Variants in BRD8 observed in about 807,000 individuals in gnomAD.
BRD8 encodes the protein bromodomain containing 8.
BRD8 carries 67 observed loss-of-function variants against 143.1 expected under a neutral mutation model. The ratio of observed to expected loss-of-function variants is 0.47; its 90% CI spans 0.38 to 0.57. The LOEUF is 0.57. BRD8 is among the 20% of genes least tolerant of loss of function. The probability of loss-of-function intolerance (pLI) is 0.00; values close to 1 mark genes in which losing one functional copy is unlikely to be tolerated. For missense variants in BRD8, 1,103 were observed against 1,503.0 expected, an observed-to-expected ratio of 0.73 and a Z score of 4.40; for synonymous variants, 505 against 517.1, an observed-to-expected ratio of 0.98 and a Z score of 0.32.
intron 2 of BRD8, among the ~76,000 whole-genome samples, chr5:138,176,492 T>C (rs1267804874): frequency 6.6e-6 from 1 of 152,112 alleles, no homozygotes; most frequent in Non-Finnish European, 1.5e-5. Context: ...GATAATCGCT[T>C]GAACCTGGGA....
intron 25 of BRD8, among the ~76,000 whole-genome samples, chr5:138,143,939 G>C (rs1055009464): frequency 2.0e-5 from 3 of 152,166 alleles, no homozygotes; most frequent in Admixed American, 2.0e-4. Context: ...GTGGCAACCC[G>C]CTGGAGTCCC....
rs574905012 is a variant in BRD8, at chr5:138,168,367, C to T, written c.643-289G>A. 2.9e-5 allele frequency: 25 copies of T among 848,612 alleles called. No individual in the cohort carries two copies. The African/African-American group carries it at 3.9e-4, about 13-fold the overall frequency. 52.6% of individuals were successfully genotyped at this position (848,612 alleles called of 1,614,324 possible). A position where few individuals can be genotyped will look rare whatever the true frequency, so the allele number is the denominator to read the frequency against. On this transcript the variant is annotated intron_variant, in intron 8 of 26. Transcript: ENST00000254900. Reference sequence around the variant, plus strand: ...TAACATTTAATTAGGAGATCTTTTCCTCTTTTGAACTTTTATTCCCCATGT... The same window carrying T: ...TAACATTTAATTAGGAGATCTTTTCTTCTTTTGAACTTTTATTCCCCATGT...
Position 138,145,194 on chromosome 5 carries a change from G to T in BRD8, c.3420C>A (p.Tyr1140Ter), listed in dbSNP as rs776487340. ...TCACTGACCTTTTCACCACATCCTT[G>T]TACCCTGGGGCCTGCCTTTCTGACA... ...KPVSERQAPG[Y>*]KDVVKRPMDL... The change falls in exon 25 of 27, where the codon TAC becomes TAA. Residue 1140 changes from tyrosine to a stop codon, truncating the protein, a stop_gained. Transcript: ENST00000254900. LOFTEE classifies it high-confidence loss of function. The T allele has an allele frequency of 1.1e-5, 17 of 1,613,824 alleles. No individual in the cohort carries two copies. Among genetic ancestry groups the T allele is most frequent in the Middle Eastern group, 3.3e-4 (2 of 6,058 alleles).
chr5:138,152,911 G>A, intron 20 of BRD8, 151 bp from the exon 21 acceptor site: 1 of 848,738 alleles, frequency 1.2e-6, no homozygotes, highest in Non-Finnish European at 1.8e-6. Flanking sequence ...TCTTGCTGAA[G>A]GGAGACATGA....
intron 11 of BRD8, 126 bp from the exon 12 acceptor site, chr5:138,165,292 G>A (rs1753309858): frequency 2.9e-6 from 3 of 1,030,962 alleles, no homozygotes; most frequent in South Asian, 1.5e-5. Flanking sequence ...TGTAGTGGAG[G>A]CAAACAATGA....
In BRD8 at chr5:138,166,104, A is replaced by T. The variant is rs746560978; in HGVS notation, c.1002T>A (p.Ser334Arg). 5.6e-6 allele frequency: 9 copies of T among 1,610,600 alleles called. No individual in the cohort carries two copies. Among genetic ancestry groups the T allele is most frequent in the Middle Eastern group, 3.3e-4 (2 of 6,002 alleles). ...VSTTESVAPV[S>R]QPDNCVPMEA... ...CCATGGGAACACAGTTGTCGGGTTG[A>T]CTCACTGAGTAACAGAAAGAGAAAA... Residue 334 changes from serine to arginine, a missense_variant, in exon 11 of 27, where the codon AGT becomes AGA. Around this residue, in one of 7 missense-constraint regions of BRD8, gnomAD observed 334 missense variants for 372.5 expected, o/e 0.90. Transcript: ENST00000254900.
At chr5:138,169,028 C>T (rs1220236274) in intron 8 of BRD8, among the ~76,000 whole-genome samples, 194 bp downstream of exon 8, 1 of 152,212 alleles carries the variant, frequency 6.6e-6, no homozygotes, top group Non-Finnish European at 1.5e-5. Flanking sequence ...TTACCTATCT[C>T]TCAAAAAGGT....
At chr5:138,153,726 G>A (rs1581414169) in intron 20 of BRD8, among the ~76,000 whole-genome samples, 1 of 142,336 alleles carries the variant, frequency 7.0e-6, no homozygotes, top group East Asian at 2.1e-4. Flanking sequence ...GCCCAGGCTG[G>A]AGCACAATGG....
chr5:138,176,301 CAAG>C, intron 2 of BRD8, among the ~76,000 whole-genome samples: 1 of 152,126 alleles, frequency 6.6e-6, no homozygotes, highest in East Asian at 1.9e-4. Flanking sequence ...TCTACAGAGA[CAAG>C]AGAGTTGGCT....
chr5:138,165,039 T>A lies in BRD8; in HGVS notation c.1406A>T (p.Lys469Met), dbSNP rs749628963. ...TTCTGGTGCAGGGAGAGGTACTGGC[T>A]TGTCCCGCTCCTGCTGGATAGGATG... is the stretch of plus-strand genomic sequence containing the variant. ...WEHPIQQERD[K>M]PVPLPAPEMT... The change falls in exon 12 of 27, where the codon AAG (lysine) becomes ATG (methionine). Residue 469 changes from lysine to methionine, a missense_variant. Coordinates refer to ENST00000254900, the MANE Select transcript of BRD8 (RefSeq NM_139199.2). The A allele has an allele frequency of 6.2e-7, 1 of 1,614,162 alleles. No homozygotes were observed. Among genetic ancestry groups the A allele is most frequent in the Admixed American group, 1.7e-5 (1 of 60,006 alleles).
At chr5:138,140,999 C>A in intron 25 of BRD8, 117 bp from the exon 26 acceptor site, 1 of 1,033,404 alleles carries the variant, frequency 9.7e-7, no homozygotes, top group Non-Finnish European at 1.4e-6. Context: ...GCAAAGATAA[C>A]AACCCTCATC....
At chr5:138,163,869 C>T (rs1753196666) in intron 14 of BRD8, among the ~76,000 whole-genome samples, 1 of 152,176 alleles carries the variant, frequency 6.6e-6, no homozygotes, top group Admixed American at 6.5e-5. Flanking sequence ...ATCAAGCCTT[C>T]TTAAGGACTG....
intron 9 of BRD8, 132 bp downstream of exon 9, chr5:138,167,802 G>T: frequency 1.3e-6 from 1 of 744,238 alleles, no homozygotes; most frequent in Non-Finnish European, 2.4e-6. Context: ...AGGTAAAGTA[G>T]CTCCAAAAAA....
In BRD8 at chr5:138,170,538, AAC is replaced by A. The variant is rs764316471; in HGVS notation, c.441-131_441-130del. 3 of 985,036 alleles carry A rather than the reference AAC, an allele frequency of 3.0e-6. No individual in the cohort carries two copies. In the Admixed American group the frequency reaches 5.1e-5, roughly 17 times the overall value. 61.0% of individuals were successfully genotyped at this position (985,036 alleles called of 1,614,324 possible). On this transcript the variant is annotated intron_variant, in intron 6 of 26. Coordinates refer to ENST00000254900, the MANE Select transcript of BRD8 (RefSeq NM_139199.2). ...GAAGAAAGGCCTAAACAGGAATTCT[AAC>A]CAGCAAAACAGTGAATTGGGGTATA...
chr5:138,164,556 G>T, intron 12 of BRD8, 143 bp from the exon 13 acceptor site: 1 of 1,118,882 alleles, frequency 8.9e-7, no homozygotes, highest in Non-Finnish European at 1.3e-6. Context: ...ACCTTAACAG[G>T]AATAAGTATA....
At chr5:138,165,412 G>A (rs1453536796) in intron 11 of BRD8, among the ~76,000 whole-genome samples, 1 of 152,134 alleles carries the variant, frequency 6.6e-6, no homozygotes, top group Non-Finnish European at 1.5e-5. Flanking sequence ...TAGGAGAGTT[G>A]TTTAAGTAAT....
chr5:138,177,504 C>G (rs1754448051), intron 2 of BRD8, 67 bp downstream of exon 2: 4 of 926,898 alleles, frequency 4.3e-6, no homozygotes, highest in South Asian at 2.7e-5. Flanking sequence ...CTATAGAAAT[C>G]TACCGATGTG....
intron 23 of BRD8, 62 bp from the exon 24 acceptor site, chr5:138,145,940 C>G: frequency 4.3e-6 from 6 of 1,407,394 alleles, no homozygotes; most frequent in Non-Finnish European, 5.0e-6. Context: ...CTATCTCCCC[C>G]AGGTGGGTAA....
At chr5:138,164,654 TG>T (rs1340950858) in intron 12 of BRD8, 59 bp downstream of exon 12, 15 of 1,572,022 alleles carry the variant, frequency 9.5e-6, no homozygotes, top group Non-Finnish European at 1.3e-5. Flanking sequence ...AAGCCTAAGC[TG>T]TCACTTCTTA....
Sources: gnomAD v4.1 joint callset for allele counts (sites outside exome capture counted in the v4.1 genomes callset) on GRCh38, gnomAD v4.1.1 for gene constraint, gnomAD v4.1.1 regional missense constraint, MANE v1.5 for transcripts, NCBI Gene and HGNC (gene_info 2026-07-23, HGNC 2026-07-21) for gene names.